Variants in LGALS3BP observed in about 807,000 individuals in gnomAD.
The protein encoded by LGALS3BP is galectin 3 binding protein.
In LGALS3BP, 25 loss-of-function variants were observed where a neutral mutation model predicts 22.9. The ratio of observed to expected loss-of-function variants is 1.09; its 90% CI spans 0.80 to 1.53. The LOEUF is 1.53. Among genes scored for constraint, LGALS3BP ranks in the 40% most tolerant of loss-of-function variants. The pLI is 0.00. For synonymous variants in LGALS3BP, 335 were observed against 331.1 expected, an observed-to-expected ratio of 1.01 and a Z score of -0.13; for missense variants, 718 against 752.0, an observed-to-expected ratio of 0.95 and a Z score of 0.53.
intron 1 of LGALS3BP, among the ~76,000 whole-genome samples, chr17:78,979,023 C>T (rs1054931839): frequency 4.0e-5 from 6 of 151,706 alleles, no homozygotes; most frequent in Non-Finnish European, 5.9e-5. Context: ...TGTAGTGAGC[C>T]GCTGCACTCC....
At chr17:78,974,272 T>C (rs1312387374) in intron 4 of LGALS3BP, among the ~76,000 whole-genome samples, 1 of 152,074 alleles carries the variant, frequency 6.6e-6, no homozygotes, top group Non-Finnish European at 1.5e-5. Flanking sequence ...CTGGGCCAGG[T>C]TGGGGGAAGC....
chr17:78,971,960 G>T lies in LGALS3BP; in HGVS notation c.1374C>A (p.Tyr458Ter). ...GGTGTTGTGGAGTCTGGAAGGACTGGTAGGGGTAGTATCTGTAGTCAGAGG... is the reference window on the plus strand; with the variant it reads ...GGTGTTGTGGAGTCTGGAAGGACTGTTAGGGGTAGTATCTGTAGTCAGAGG... The part of the protein sequence containing the change: ...QAPSDYRYYP[Y>*]QSFQTPQHPS... Residue 458 changes from tyrosine (Y) to a stop codon, truncating the protein, a stop_gained, in exon 6 of 6, where the codon TAC becomes TAA. Transcript: ENST00000262776. LOFTEE classifies it low-confidence loss of function (END_TRUNC). This position sits in a 1 kb window ranked among gnomAD's most constrained non-coding sequence, Gnocchi z 5.6. The T allele has an allele frequency of 6.2e-7, 1 of 1,614,138 alleles. No homozygotes were observed. The highest frequency in any genetic ancestry group is 2.2e-5 in the East Asian group (1 of 44,866).
In LGALS3BP at chr17:78,974,825, G is replaced by A. The variant is rs2070705459; in HGVS notation, c.245-6C>T. Reference sequence around the variant, plus strand: ...CAGCATGATGGGGCCTGATCCTGTGGACACAGCAGATGGCAGGGCTGGGGG... The same window carrying A: ...CAGCATGATGGGGCCTGATCCTGTGAACACAGCAGATGGCAGGGCTGGGGG... On this transcript the variant is annotated splice_region_variant and splice_polypyrimidine_tract_variant and intron_variant, in intron 3 of 5. Coordinates refer to ENST00000262776, the MANE Select transcript of LGALS3BP (RefSeq NM_005567.4). The A allele has an allele frequency of 6.2e-7, 1 of 1,613,126 alleles. No homozygotes were observed. Among genetic ancestry groups the A allele is most frequent in the Non-Finnish European group, 8.5e-7 (1 of 1,179,618 alleles).
chr17:78,974,022 TC>T (rs2070697986), intron 4 of LGALS3BP, among the ~76,000 whole-genome samples: 1 of 152,196 alleles, frequency 6.6e-6, no homozygotes. Context: ...CTCCTGGGCT[TC>T]CCCCACTGTG....
In LGALS3BP at chr17:78,971,836, C is replaced by T. The variant is rs775359999; in HGVS notation, c.1498G>A (p.Glu500Lys). 17 of 1,613,906 alleles carry T rather than the reference C, an allele frequency of 1.1e-5. No individual in the cohort carries two copies. The highest frequency in any genetic ancestry group is 1.6e-4 in the Middle Eastern group (1 of 6,084). The change falls in exon 6 of 6, where the codon GAG becomes AAG. Residue 500 changes from glutamate to lysine, a missense_variant. Coordinates refer to ENST00000262776, the MANE Select transcript of LGALS3BP (RefSeq NM_005567.4). The surrounding 1 kb of genome is among the most constrained non-coding windows in gnomAD (Gnocchi z 5.6). ...TTGGTGAGGCCCAGGACAGGGAGCT[C>T]GTCCGAGGAGCAGGAGAAGCCGTAG... ...WNYGFSCSSD[E>K]LPVLGLTKSG...
rs1353419909 is a variant in LGALS3BP, at chr17:78,977,365, G to A, written c.-23-151C>T. 4.7e-6 allele frequency: 3 copies of A among 637,368 alleles called. No homozygotes were observed. The African/African-American group carries it at 5.5e-5, about 12-fold the overall frequency. 39.5% of individuals were successfully genotyped at this position (637,368 alleles called of 1,614,324 possible). On this transcript the variant is annotated intron_variant, in intron 1 of 5. Coordinates refer to ENST00000262776, the MANE Select transcript of LGALS3BP (RefSeq NM_005567.4). ...AGAGCCCACTATGATCCCAGTAAGT[G>A]TGACGTGTGCTGTGGATGCCCCCGC...
At position 78,973,586 on chromosome 17, in the gene LGALS3BP, A is replaced by G. The variant is rs568154166; in HGVS notation, c.377-364T>C. On this transcript the variant is annotated intron_variant, in intron 4 of 5. Coordinates refer to ENST00000262776, the MANE Select transcript of LGALS3BP (RefSeq NM_005567.4). This position sits in a 1 kb window ranked among gnomAD's most constrained non-coding sequence, Gnocchi z 5.8. ...TTGGTCACCAATCACCACTAACACC[A>G]AAACCACTGCCTGCTTAGATGGCCT... is the stretch of plus-strand genomic sequence containing the variant. Among the ~76,000 whole-genome samples the G allele has an allele frequency of 6.6e-6, 1 of 152,232 alleles. No homozygotes were observed. The highest frequency in any genetic ancestry group is 1.9e-4 in the East Asian group (1 of 5,164).
rs1261729310 is a variant in LGALS3BP, at chr17:78,976,117, G to T, written c.92C>A (p.Ala31Asp). Residue 31 changes from alanine (A) to aspartate (D), a missense_variant, in exon 3 of 6, where the codon GCC (alanine) becomes GAC (aspartate). Coordinates refer to ENST00000262776, the MANE Select transcript of LGALS3BP (RefSeq NM_005567.4). The surrounding 1 kb of genome is among the most constrained non-coding windows in gnomAD (Gnocchi z 4.6). ...DGDMRLADGG[A>D]TNQGRVEIFY... ...GATCTCCACGCGGCCCTGGTTGGTG[G>T]CGCCCCCATCGGCCAGCCGCATGTC... 1 of 1,598,150 alleles carries T rather than the reference G, an allele frequency of 6.3e-7. No individual in the cohort carries two copies. The highest frequency in any genetic ancestry group is 2.3e-5 in the East Asian group (1 of 44,084).
chr17:78,975,299 C>T (rs1197674222), intron 3 of LGALS3BP, among the ~76,000 whole-genome samples: 1 of 152,224 alleles, frequency 6.6e-6, no homozygotes, highest in East Asian at 1.9e-4. Flanking sequence ...ATCGCAACTG[C>T]TGTGTCAGTG....
intron 3 of LGALS3BP, 132 bp downstream of exon 3, chr17:78,975,833 C>T (rs1308964128): frequency 1.7e-5 from 4 of 238,236 alleles, no homozygotes; most frequent in Admixed American, 5.7e-5. Context: ...AGTGTTTGCT[C>T]TTGCTAAATT....
intron 3 of LGALS3BP, 93 bp from the exon 4 acceptor site, chr17:78,974,912 G>C: frequency 6.6e-7 from 1 of 1,508,050 alleles, no homozygotes; most frequent in South Asian, 1.2e-5. Flanking sequence ...CGCCCCGGCC[G>C]TGTGGGTCCA....
rs770087733 is a variant in LGALS3BP at position 78,973,353 on chromosome 17, C to A, written c.377-131G>T. On this transcript the variant is annotated intron_variant, in intron 4 of 5. Transcript: ENST00000262776. This position sits in a 1 kb window ranked among gnomAD's most constrained non-coding sequence, Gnocchi z 5.8. ...TCACTCTGGAAGGCTCCTGGGAAGA[C>A]GAGGGACAAGAGAGACCGGAAGTGT... The A allele has an allele frequency of 1.8e-6, 2 of 1,111,862 alleles. No homozygotes were observed. The highest frequency in any genetic ancestry group is 1.6e-5 in the African/African-American group (1 of 63,120). The allele number at this position is 1,111,862 out of a possible 1,614,324, so 68.9% of individuals were successfully genotyped here.
Position 78,973,741 on chromosome 17 carries a change from C to T in LGALS3BP, c.377-519G>A, listed in dbSNP as rs2070695687. On this transcript the variant is annotated intron_variant, in intron 4 of 5. Transcript: ENST00000262776. The surrounding 1 kb of genome is among the most constrained non-coding windows in gnomAD (Gnocchi z 5.8). ...CGGGGGTCAGTGTGGTGCACCCTCT[C>T]CCCTTCTTTGAGCCCCTCTCAAAGC... is the stretch of plus-strand genomic sequence containing the variant. Among the ~76,000 whole-genome samples the T allele has an allele frequency of 1.3e-5, 2 of 152,222 alleles. No individual in the cohort carries two copies. The highest frequency in any genetic ancestry group is 1.9e-4 in the East Asian group (1 of 5,194).
Position 78,976,347 on chromosome 17 carries a change from G to A in LGALS3BP, c.53-191C>T, listed in dbSNP as rs1025203992. 2.6e-5 allele frequency among the ~76,000 whole-genome samples: 4 copies of A among 152,208 alleles called. No individual in the cohort carries two copies. Among genetic ancestry groups the A allele is most frequent in the African/African-American group, 4.8e-5 (2 of 41,450 alleles). On this transcript the variant is annotated intron_variant, in intron 2 of 5. Coordinates refer to ENST00000262776, the MANE Select transcript of LGALS3BP (RefSeq NM_005567.4). This position sits in a 1 kb window ranked among gnomAD's most constrained non-coding sequence, Gnocchi z 4.6. Reference sequence around the variant, plus strand: ...AGATACATACAGCCCCCCCTACCCCGCAAGGAGGCCAAACTCGCCTTTCCT... The same window carrying A: ...AGATACATACAGCCCCCCCTACCCCACAAGGAGGCCAAACTCGCCTTTCCT...
At chr17:78,977,798 G>C (rs559743088) in intron 1 of LGALS3BP, among the ~76,000 whole-genome samples, 18 of 152,144 alleles carry the variant, frequency 1.2e-4, no homozygotes, top group Non-Finnish European at 2.4e-4. Flanking sequence ...GAGATATATC[G>C]GGGCTCCGTG....
At position 78,971,537 on chromosome 17, in the gene LGALS3BP, T is replaced by A; in HGVS notation, c.*39A>T. ...AGGGGAGCCTGCAGTGAGGGCGTCCTGGGGTTCTCCGGTTCTCACCACCCT... is the reference window on the plus strand; with the variant it reads ...AGGGGAGCCTGCAGTGAGGGCGTCCAGGGGTTCTCCGGTTCTCACCACCCT... On this transcript the variant is annotated 3_prime_UTR_variant, in exon 6 of 6. Transcript: ENST00000262776. This position sits in a 1 kb window ranked among gnomAD's most constrained non-coding sequence, Gnocchi z 5.6. The A allele has an allele frequency of 1.3e-6, 2 of 1,582,004 alleles. No individual in the cohort carries two copies. Among genetic ancestry groups the A allele is most frequent in the Non-Finnish European group, 1.7e-6 (2 of 1,161,880 alleles).
Position 78,971,971 on chromosome 17 carries a change from A to T in LGALS3BP, c.1363T>A (p.Tyr455Asn), listed in dbSNP as rs1409148196. 6.2e-7 allele frequency: 1 copy of T among 1,614,112 alleles called. No homozygotes were observed. Among genetic ancestry groups the T allele is most frequent in the South Asian group, 1.1e-5 (1 of 91,080 alleles). ...DYFQAPSDYR[Y>N]YPYQSFQTPQ... ...GTCTGGAAGGACTGGTAGGGGTAGT[A>T]TCTGTAGTCAGAGGGGGCTTGGAAG... Residue 455 changes from tyrosine to asparagine, a missense_variant, in exon 6 of 6, where the codon TAC becomes AAC. Coordinates refer to ENST00000262776, the MANE Select transcript of LGALS3BP (RefSeq NM_005567.4). The surrounding 1 kb of genome is among the most constrained non-coding windows in gnomAD (Gnocchi z 5.6).
rs746689807 is a variant in LGALS3BP, at chr17:78,972,264, A to G, written c.1070T>C (p.Phe357Ser). 8 of 1,613,684 alleles carry G rather than the reference A, an allele frequency of 5.0e-6. No individual in the cohort carries two copies. The highest frequency in any genetic ancestry group is 5.9e-6 in the Non-Finnish European group (7 of 1,179,950). The change falls in exon 6 of 6, where the codon TTT becomes TCT. Residue 357 changes from phenylalanine to serine, a missense_variant. Transcript: ENST00000262776. The surrounding 1 kb of genome is among the most constrained non-coding windows in gnomAD (Gnocchi z 5.1). ...CAGGGACAGGTTGAACTGCAGCTCA[A>G]AGAGCTCCTCAGGGAGCATCATGGG... is the stretch of plus-strand genomic sequence containing the variant. ...RFPMMLPEEL[F>S]ELQFNLSLYW...
chr17:78,973,263 G>C lies in LGALS3BP; in HGVS notation c.377-41C>G, dbSNP rs896439360. ...AGGGAAGTGGGCTGCGTTAGGAGCC[G>C]GGGCACTGCCACTCTCTGGGGTCAG... On this transcript the variant is annotated intron_variant, in intron 4 of 5. Coordinates refer to ENST00000262776, the MANE Select transcript of LGALS3BP (RefSeq NM_005567.4). This position sits in a 1 kb window ranked among gnomAD's most constrained non-coding sequence, Gnocchi z 5.8. 6.8e-7 allele frequency: 1 copy of C among 1,461,676 alleles called. No homozygotes were observed. 90.5% of individuals were successfully genotyped at this position (1,461,676 alleles called of 1,614,324 possible).
Sources: gnomAD v4.1 joint callset for allele counts (sites outside exome capture counted in the v4.1 genomes callset) on GRCh38, gnomAD v4.1.1 for gene constraint, Gnocchi (gnomAD v3.1) non-coding constraint, MANE v1.5 for transcripts, NCBI Gene and HGNC (gene_info 2026-07-23, HGNC 2026-07-21) for gene names.